PDE3B: variants seen among roughly 807,000 people sequenced by gnomAD.
The protein encoded by PDE3B is phosphodiesterase 3B.
A neutral mutation model predicts 116.8 loss-of-function variants in PDE3B; 66 were observed. That is an observed-to-expected ratio of 0.56 (90% CI 0.46 to 0.69). The LOEUF is 0.69. PDE3B is among the 30% of genes least tolerant of loss of function. The pLI, the probability that PDE3B is intolerant of heterozygous loss-of-function variation, is 0.00. For missense variants in PDE3B, 1,384 were observed against 1,368.1 expected (o/e 1.01, Z -0.18); for synonymous variants, 595 against 533.6 (o/e 1.12, Z -1.59).
At chr11:14,686,514 T>C (rs763084885) in intron 1 of PDE3B, among the ~76,000 whole-genome samples, 15 of 152,184 alleles carry the variant, frequency 9.9e-5, no homozygotes, top group Non-Finnish European at 1.6e-4. Flanking sequence ...TGGGGATAAG[T>C]TATTTTAACC....
intron 12 of PDE3B, among the ~76,000 whole-genome samples, chr11:14,847,530 C>T (rs1222693835): frequency 6.6e-6 from 1 of 151,370 alleles, no homozygotes; most frequent in African/African-American, 2.4e-5. Flanking sequence ...AAAAACCCTT[C>T]AAAAAATCAA....
intron 1 of PDE3B, among the ~76,000 whole-genome samples, chr11:14,755,774 G>C (rs1857165259): frequency 6.6e-6 from 1 of 152,040 alleles, no homozygotes; most frequent in Non-Finnish European, 1.5e-5. Flanking sequence ...TATTGTACTA[G>C]GTACCTACAT....
At chr11:14,877,609 A>G in the PDE3B span, 209 of 152,750 alleles carry the variant, frequency 1.4e-3, no homozygotes, top group Admixed American at 2.7e-3. Flanking sequence ...CATTAAATAC[A>G]TATTTCTTCT....
At chr11:14,869,251 C>G (rs1415334563) in intron 15 of PDE3B, among the ~76,000 whole-genome samples, 2 of 151,918 alleles carry the variant, frequency 1.3e-5, no homozygotes, top group East Asian at 3.9e-4. Context: ...TTCTGTTTTC[C>G]TAGCTCTTTC....
intron 1 of PDE3B, among the ~76,000 whole-genome samples, chr11:14,715,485 A>C (rs534773211): frequency 1.3e-5 from 2 of 152,182 alleles, no homozygotes; most frequent in South Asian, 4.2e-4. Flanking sequence ...CGTCCCTTGT[A>C]AGTTGGATTC....
chr11:14,658,178 C>A (rs939419407), intron 1 of PDE3B, among the ~76,000 whole-genome samples: 1 of 152,074 alleles, frequency 6.6e-6, no homozygotes, highest in African/African-American at 2.4e-5. Flanking sequence ...CACTATCCTC[C>A]TTCTAGGGGA....
intron 2 of PDE3B, among the ~76,000 whole-genome samples, chr11:14,779,664 G>A (rs1857912391): frequency 6.6e-6 from 1 of 152,146 alleles, no homozygotes. Flanking sequence ...AGCTCCTGAA[G>A]GAAGCACTAA....
At chr11:14,669,241 G>A (rs536700775) in intron 1 of PDE3B, among the ~76,000 whole-genome samples, 1 of 152,068 alleles carries the variant, frequency 6.6e-6, no homozygotes, top group African/African-American at 2.4e-5. Context: ...GATTTTACAT[G>A]AGAGCAGGGG....
chr11:14,890,394 T>C, the PDE3B span: 90 of 854,416 alleles, frequency 1.1e-4, 1 homozygote, highest in East Asian at 1.8e-3. Flanking sequence ...TCTGGGAGAA[T>C]TGCAGGTTGG....
chr11:14,822,698 T>C (rs140826367), intron 7 of PDE3B, among the ~76,000 whole-genome samples: 55 of 152,310 alleles, frequency 3.6e-4, no homozygotes, highest in African/African-American at 1.3e-3. Context: ...CCAGGAGCTA[T>C]AGATACTTGG....
At chr11:14,885,416 G>A in the PDE3B span, among the ~76,000 whole-genome samples, 1 of 152,124 alleles carries the variant, frequency 6.6e-6, no homozygotes, top group Admixed American at 6.6e-5. Context: ...TAAGTAAAAT[G>A]ATAGTAAAAA....
intron 2 of PDE3B, 60 bp downstream of exon 2, chr11:14,772,047 A>G (rs768160980): frequency 6.7e-6 from 5 of 744,866 alleles, no homozygotes; most frequent in African/African-American, 3.7e-5. Context: ...ACTAAATAAT[A>G]TCTGTGATGC....
intron 5 of PDE3B, 66 bp from the exon 6 acceptor site, chr11:14,818,117 A>C: frequency 9.7e-7 from 1 of 1,031,540 alleles, no homozygotes; most frequent in Non-Finnish European, 1.4e-6. Context: ...ACACAAATAT[A>C]TTTAATAAAC....
At chr11:14,859,400 A>T (rs1490526222) in intron 13 of PDE3B, among the ~76,000 whole-genome samples, 154 bp downstream of exon 13, 2 of 152,228 alleles carry the variant, frequency 1.3e-5, no homozygotes, top group Non-Finnish European at 2.9e-5. Flanking sequence ...TATTTTTAAA[A>T]ATAAACATTT....
At chr11:14,668,070 A>G (rs1388652829) in intron 1 of PDE3B, among the ~76,000 whole-genome samples, 2 of 151,890 alleles carry the variant, frequency 1.3e-5, no homozygotes, top group African/African-American at 4.8e-5. Flanking sequence ...ATCCTATTTC[A>G]GGGGGCTCAA....
chr11:14,742,841 G>T (rs1222957385), intron 1 of PDE3B, among the ~76,000 whole-genome samples: 1 of 152,022 alleles, frequency 6.6e-6, no homozygotes, highest in Non-Finnish European at 1.5e-5. Context: ...AGGTCTGCTG[G>T]AGTTTGCTGG....
At position 14,644,135 on chromosome 11, in the gene PDE3B, C is replaced by G. The variant is rs772295329; in HGVS notation, c.60C>G (p.Ala20=). 1 of 1,587,268 alleles carries G rather than the reference C, an allele frequency of 6.3e-7. No homozygotes were observed. ...GGTCCCTGCAGCCGCCGGATGGGGC[C>G]GGCTCGCCCCCCGAGAGTCTGAGGA... ...AMRSLQPPDG[A]GSPPESLRNG... is the part of the protein sequence containing the mutation. The change falls in exon 1 of 16, where the codon GCC becomes GCG. Residue 20 remains alanine, a synonymous_variant. Transcript: ENST00000282096.
chr11:14,847,970 C>T (rs1045118401), intron 12 of PDE3B, among the ~76,000 whole-genome samples: 5 of 152,182 alleles, frequency 3.3e-5, no homozygotes, highest in Non-Finnish European at 7.3e-5. Context: ...AAGAGGGATT[C>T]CTCCCCAACT....
At chr11:14,816,254 A>G (rs1343888811) in intron 5 of PDE3B, among the ~76,000 whole-genome samples, 1 of 152,228 alleles carries the variant, frequency 6.6e-6, no homozygotes, top group Non-Finnish European at 1.5e-5. Flanking sequence ...CATCTGAAAA[A>G]TATCTTCACA....
Sources: allele counts gnomAD v4.1 joint callset (sites outside exome capture counted in the v4.1 genomes callset), GRCh38; gene constraint gnomAD v4.1.1; transcripts MANE v1.5; gene names NCBI Gene and HGNC (gene_info 2026-07-23, HGNC 2026-07-21).